The following FRMD5 variants were observed in gnomAD, a reference collection of about 807,000 sequenced individuals.
The protein encoded by FRMD5 is FERM domain-containing protein 5.
FRMD5 carries 20 observed loss-of-function variants against 69.0 expected under a neutral mutation model. The ratio of observed to expected loss-of-function variants is 0.29; its 90% CI spans 0.20 to 0.42. The LOEUF (loss-of-function observed/expected upper bound fraction) is 0.42, where lower values mean the gene tolerates loss of function less well. FRMD5 is among the 10% of genes least tolerant of loss of function. The pLI is 1.00. For synonymous variants in FRMD5, 271 were observed against 260.1 expected (o/e 1.04, Z -0.40); for missense variants, 595 against 708.6 (o/e 0.84, Z 1.82).
At chr15:43,989,135 C>T (rs565796609) in intron 1 of FRMD5, 87 of 985,628 alleles carry the variant, frequency 8.8e-5, no homozygotes, top group Admixed American at 3.8e-4. Context: ...ATCTGCTGGA[C>T]GGTGGACAGC....
chr15:44,190,513 T>C (rs554980459), intron 1 of FRMD5, among the ~76,000 whole-genome samples: 58 of 152,238 alleles, frequency 3.8e-4, no homozygotes, highest in South Asian at 1.9e-3. Flanking sequence ...CCTGAAAGTT[T>C]TGAAATCCTA....
chr15:43,992,538 C>T (rs1009288568), intron 1 of FRMD5, among the ~76,000 whole-genome samples: 4 of 151,976 alleles, frequency 2.6e-5, no homozygotes, highest in Non-Finnish European at 4.4e-5. Flanking sequence ...CTACTATGCC[C>T]AGCTAATTTT....
chr15:44,003,910 C>G (rs1191190049), intron 1 of FRMD5, among the ~76,000 whole-genome samples: 1 of 152,116 alleles, frequency 6.6e-6, no homozygotes, highest in Admixed American at 6.5e-5. Flanking sequence ...ATTTTTGTCT[C>G]TTTTGTTCAC....
At chr15:43,965,022 CA>C (rs1334988926) in intron 1 of FRMD5, among the ~76,000 whole-genome samples, 1 of 151,976 alleles carries the variant, frequency 6.6e-6, no homozygotes, top group Non-Finnish European at 1.5e-5. Context: ...GGGAAGTCTC[CA>C]AAAAAGTATA....
chr15:43,917,128 A>C (rs1010965637), intron 4 of FRMD5, among the ~76,000 whole-genome samples: 2 of 152,104 alleles, frequency 1.3e-5, no homozygotes, highest in Non-Finnish European at 2.9e-5. Context: ...ATAACCATAC[A>C]TTTCCAGTCC....
intron 1 of FRMD5, among the ~76,000 whole-genome samples, chr15:44,119,676 G>T (rs1158641134): frequency 6.6e-6 from 1 of 151,898 alleles, no homozygotes; most frequent in Non-Finnish European, 1.5e-5. Flanking sequence ...CTCCTAGGAA[G>T]GATTCAGAAG....
At chr15:44,045,793 C>T (rs141341170) in intron 1 of FRMD5, among the ~76,000 whole-genome samples, 1 of 152,272 alleles carries the variant, frequency 6.6e-6, no homozygotes, top group East Asian at 1.9e-4. Flanking sequence ...GAATACAATG[C>T]TGTTGTATCC....
intron 1 of FRMD5, among the ~76,000 whole-genome samples, chr15:43,935,177 T>C (rs2089738316): frequency 1.3e-5 from 2 of 152,216 alleles, no homozygotes; most frequent in South Asian, 4.1e-4. Flanking sequence ...AGATGTCTTT[T>C]GGTCTATAAA....
In FRMD5 at chr15:44,184,198, C is replaced by A. The variant is rs549749780; in HGVS notation, c.102+10755G>T. Among the ~76,000 whole-genome samples, 7 of 152,248 alleles carry A rather than the reference C, an allele frequency of 4.6e-5. No individual in the cohort carries two copies. In the East Asian group the frequency reaches 1.4e-3, roughly 29 times the overall value. On this transcript the variant is annotated intron_variant, in intron 1 of 13. Coordinates refer to ENST00000417257, the MANE Select transcript of FRMD5 (RefSeq NM_032892.5). Reference sequence around the variant, plus strand: ...TAAGGCTTTACTGGCCATGGAAAGTCCACCTCCTGCCATCATGTCTACCCA... The same window carrying A: ...TAAGGCTTTACTGGCCATGGAAAGTACACCTCCTGCCATCATGTCTACCCA...
At chr15:43,937,644 C>CA (rs58803908) in intron 1 of FRMD5, among the ~76,000 whole-genome samples, 4,337 of 60,166 alleles carry the variant, frequency 0.072, 195 homozygotes, top group East Asian at 0.21. Context: ...GACACTGTCT[C>CA]AAAAAAAAAA....
At chr15:44,148,078 G>C (rs1402320747) in intron 1 of FRMD5, among the ~76,000 whole-genome samples, 2 of 152,124 alleles carry the variant, frequency 1.3e-5, no homozygotes, top group East Asian at 3.8e-4. Flanking sequence ...TTCACCAGCT[G>C]AAGTGACTTC....
chr15:44,043,817 A>G (rs1169963197), intron 1 of FRMD5, among the ~76,000 whole-genome samples: 1 of 152,260 alleles, frequency 6.6e-6, no homozygotes, highest in Non-Finnish European at 1.5e-5. Context: ...AAAACCATAA[A>G]AACCCTAGAA....
chr15:43,947,893 C>A (rs1469459083), intron 1 of FRMD5, among the ~76,000 whole-genome samples: 2 of 152,166 alleles, frequency 1.3e-5, no homozygotes, highest in African/African-American at 2.4e-5. Context: ...TAACGAGTAG[C>A]CAAGCTGGCA....
At chr15:43,928,722 T>C (rs1595528599) in intron 1 of FRMD5, among the ~76,000 whole-genome samples, 1 of 152,264 alleles carries the variant, frequency 6.6e-6, no homozygotes, top group Admixed American at 6.5e-5. Context: ...CCGTCTTCCC[T>C]TCCCTTTGCC....
chr15:43,963,307 T>G (rs2090235333), intron 1 of FRMD5, among the ~76,000 whole-genome samples: 1 of 152,094 alleles, frequency 6.6e-6, no homozygotes, highest in South Asian at 2.1e-4. Context: ...CATGAAAAAA[T>G]GCTCATCATC....
intron 1 of FRMD5, among the ~76,000 whole-genome samples, chr15:44,036,970 G>A (rs968681252): frequency 6.6e-6 from 1 of 152,016 alleles, no homozygotes; most frequent in South Asian, 2.1e-4. Context: ...CTGTTAGGCA[G>A]CACTCAACAT....
intron 1 of FRMD5, among the ~76,000 whole-genome samples, chr15:43,966,725 G>C (rs897662098): frequency 1.3e-5 from 2 of 152,158 alleles, no homozygotes; most frequent in Non-Finnish European, 2.9e-5. Flanking sequence ...GAACATGAAT[G>C]GTTGTGAGGT....
chr15:43,875,464 C>G (rs1241186802), intron 13 of FRMD5, among the ~76,000 whole-genome samples: 1 of 146,638 alleles, frequency 6.8e-6, no homozygotes, highest in African/African-American at 2.5e-5. Flanking sequence ...TTGCTTTTTG[C>G]TTACGGTTTT....
chr15:43,893,181 T>TTAA (rs2088835763), intron 7 of FRMD5, among the ~76,000 whole-genome samples: 1 of 152,000 alleles, frequency 6.6e-6, no homozygotes, highest in Non-Finnish European at 1.5e-5. Context: ...AAAAGGCTGT[T>TTAA]ATTAAAGAGT....
Sources: allele counts gnomAD v4.1 joint callset (sites outside exome capture counted in the v4.1 genomes callset), GRCh38; gene constraint gnomAD v4.1.1; transcripts MANE v1.5; gene names NCBI Gene and HGNC (gene_info 2026-07-23, HGNC 2026-07-21).